SLC8A1: variants seen among roughly 807,000 people sequenced by gnomAD.
SLC8A1 encodes the protein solute carrier family 8 member A1.
A neutral mutation model predicts 68.3 loss-of-function variants in SLC8A1; 18 were observed. The observed-to-expected ratio is 0.26, with a 90% CI of 0.18 to 0.39. The LOEUF (loss-of-function observed/expected upper bound fraction) is 0.39. Among genes scored for constraint, SLC8A1 ranks in the 10% least tolerant of loss-of-function variants. The pLI, the probability that SLC8A1 is intolerant of heterozygous loss-of-function variation, is 1.00. For missense variants in SLC8A1, 985 were observed against 1,156.7 expected (o/e 0.85, Z 2.15); for synonymous variants, 475 against 415.5 (o/e 1.14, Z -1.74).
chr2:40,447,119 C>G (rs4450659), intron 1 of SLC8A1, among the ~76,000 whole-genome samples: 71,477 of 152,056 alleles, frequency 0.47, 17,613 homozygotes, highest in African/African-American at 0.6. Context: ...ATATTTACAT[C>G]TAGTTTCCTA....
intron 2 of SLC8A1, among the ~76,000 whole-genome samples, chr2:40,279,477 A>G (rs1005614643): frequency 6.6e-6 from 1 of 152,236 alleles, no homozygotes; most frequent in African/African-American, 2.4e-5. Flanking sequence ...GATTAGAATA[A>G]TATCAATTTG....
At chr2:40,160,715 AG>A (rs1337545336) in intron 6 of SLC8A1, 49 bp downstream of exon 9, 1 of 1,532,246 alleles carries the variant, frequency 6.5e-7, no homozygotes. Context: ...AGGAAAACTC[AG>A]CTCAGATTGG....
chr2:40,429,000 A>G (rs1173524487), exon 2 of SLC8A1: 1 of 1,613,686 alleles, frequency 6.2e-7, no homozygotes, highest in East Asian at 2.2e-5. Flanking sequence ...GGATAATGGT[A>G]AGGGCCACAG....
intron 1 of SLC8A1, among the ~76,000 whole-genome samples, chr2:40,457,627 C>T (rs181366795): frequency 6.6e-6 from 1 of 152,272 alleles, no homozygotes; most frequent in East Asian, 1.9e-4. Context: ...AAAATGTAGA[C>T]TCATACAGTG....
intron 2 of SLC8A1, among the ~76,000 whole-genome samples, chr2:40,304,366 T>A (rs1419757870): frequency 2.0e-5 from 3 of 152,166 alleles, no homozygotes; most frequent in Non-Finnish European, 2.9e-5. Context: ...TAGACAGAAC[T>A]CAAATCCAAG....
chr2:40,390,155 A>G (rs990089602), intron 2 of SLC8A1, among the ~76,000 whole-genome samples: 6 of 152,140 alleles, frequency 3.9e-5, no homozygotes, highest in African/African-American at 1.4e-4. Context: ...TAGTAAAGTA[A>G]GAGCATTAGT....
At chr2:40,494,837 A>G (rs972813270) in intron 1 of SLC8A1, among the ~76,000 whole-genome samples, 7 of 151,398 alleles carry the variant, frequency 4.6e-5, no homozygotes, top group Non-Finnish European at 1.0e-4. Flanking sequence ...GATCTTAGTT[A>G]TATTTCTAAG....
rs181904685 is a variant in SLC8A1, at chr2:40,331,036, C to A, written c.1808+97437G>T. ...CTTATGATAGGTTTTGAGGAGTACACGTAGATGCTAGGAGCATCAGCTTTG... is the reference window on the plus strand; with the variant it reads ...CTTATGATAGGTTTTGAGGAGTACAAGTAGATGCTAGGAGCATCAGCTTTG... On this transcript the variant is annotated intron_variant, in intron 2 of 7. Transcript: ENST00000406785. Among the ~76,000 whole-genome samples, 83 of 152,290 alleles carry A rather than the reference C, an allele frequency of 5.5e-4. No homozygotes were observed. In the South Asian group the frequency reaches 7.1e-3, roughly 13 times the overall value.
chr2:40,365,469 A>T (rs1675867829), intron 2 of SLC8A1, among the ~76,000 whole-genome samples: 1 of 152,086 alleles, frequency 6.6e-6, no homozygotes, highest in African/African-American at 2.4e-5. Flanking sequence ...TGCCCATTTC[A>T]CTTTTCACCT....
intron 1 of SLC8A1, among the ~76,000 whole-genome samples, chr2:40,472,015 T>C (rs762562226): frequency 2.0e-5 from 3 of 152,112 alleles, no homozygotes; most frequent in Non-Finnish European, 4.4e-5. Flanking sequence ...GAGACTGCGG[T>C]TGACTATGAA....
At chr2:40,291,838 A>G (rs2069383364) in intron 2 of SLC8A1, among the ~76,000 whole-genome samples, 1 of 151,852 alleles carries the variant, frequency 6.6e-6, no homozygotes, top group South Asian at 2.1e-4. Flanking sequence ...GTACTCTTAA[A>G]TTTCACTGCG....
chr2:40,187,540 C>A (rs1045930522), intron 2 of SLC8A1, among the ~76,000 whole-genome samples: 2 of 152,172 alleles, frequency 1.3e-5, no homozygotes, highest in Admixed American at 6.6e-5. Flanking sequence ...TCTAACATAA[C>A]CTTGCCCTAT....
chr2:40,343,126 T>C (rs1246866793), intron 2 of SLC8A1, among the ~76,000 whole-genome samples: 1 of 152,110 alleles, frequency 6.6e-6, no homozygotes, highest in Admixed American at 6.6e-5. Flanking sequence ...AGATATATGA[T>C]TCAATGTAAA....
intron 2 of SLC8A1, chr2:40,208,330 A>C (rs4952401): frequency 0.41 from 62,885 of 151,994 alleles, 15,603 homozygotes; most frequent in Non-Finnish European, 0.57. Flanking sequence ...CAGATCTAAA[A>C]TCTCAGATAT....
chr2:40,435,412 GA>G (rs5830627), intron 1 of SLC8A1, among the ~76,000 whole-genome samples: 47,092 of 149,534 alleles, frequency 0.31, 7,992 homozygotes, highest in East Asian at 0.64. Flanking sequence ...CAGATTTCAG[GA>G]AAAAAAAAAC....
chr2:40,326,986 T>G (rs746668178), intron 2 of SLC8A1, among the ~76,000 whole-genome samples: 1 of 152,194 alleles, frequency 6.6e-6, no homozygotes, highest in African/African-American at 2.4e-5. Context: ...AGGTCCTCCA[T>G]AGGAAACAAA....
intron 1 of SLC8A1, among the ~76,000 whole-genome samples, chr2:40,505,646 G>A (rs766089912): frequency 3.3e-5 from 5 of 151,812 alleles, no homozygotes; most frequent in Non-Finnish European, 5.9e-5. Flanking sequence ...TAAGTCAAAG[G>A]GGAGCAGTTG....
intron 2 of SLC8A1, among the ~76,000 whole-genome samples, chr2:40,206,621 A>G (rs2055503395): frequency 6.6e-6 from 1 of 152,068 alleles, no homozygotes; most frequent in African/African-American, 2.4e-5. Flanking sequence ...AAATGATCCA[A>G]ACACTTCCTT....
At chr2:40,466,972 T>A (rs1242568700) in intron 1 of SLC8A1, among the ~76,000 whole-genome samples, 3 of 143,872 alleles carry the variant, frequency 2.1e-5, no homozygotes, top group Non-Finnish European at 3.0e-5. Flanking sequence ...ATGAGTTATC[T>A]AAAAAAAAAA....
Sources: allele counts gnomAD v4.1 joint callset (sites outside exome capture counted in the v4.1 genomes callset), GRCh38; gene constraint gnomAD v4.1.1; transcripts MANE v1.5; gene names NCBI Gene and HGNC (gene_info 2026-07-23, HGNC 2026-07-21).